The following NRG3 variants were observed in gnomAD, a reference collection of about 807,000 sequenced individuals.
NRG3 encodes the protein neuregulin 3, also known as pro-neuregulin-3, membrane-bound isoform.
Under a neutral mutation model 66.9 loss-of-function variants are expected in NRG3, and 31 were observed. The ratio of observed to expected loss-of-function variants is 0.46; its 90% confidence interval spans 0.35 to 0.63. NRG3 has a LOEUF of 0.63. Ranked by LOEUF, NRG3 falls within the 20% of genes least tolerant of loss-of-function variation. The pLI, the probability that NRG3 is intolerant of heterozygous loss-of-function variation, is 0.00. For missense variants in NRG3, 910 were observed against 878.9 expected, an observed-to-expected ratio of 1.04 and a Z score of -0.45; for synonymous variants, 393 against 359.4, an observed-to-expected ratio of 1.09 and a Z score of -1.06.
At chr10:82,486,349 A>C (rs936806454) in intron 2 of NRG3, among the ~76,000 whole-genome samples, 2 of 152,190 alleles carry the variant, frequency 1.3e-5, no homozygotes. Context: ...AGTAGTCAAG[A>C]GGTAGAAAAA....
intron 1 of NRG3, among the ~76,000 whole-genome samples, chr10:81,929,592 A>G (rs1214935035): frequency 6.6e-6 from 1 of 152,116 alleles, no homozygotes; most frequent in Non-Finnish European, 1.5e-5. Flanking sequence ...CTCTTTCCCA[A>G]GTTTAGGAAG....
intron 1 of NRG3, among the ~76,000 whole-genome samples, chr10:82,178,191 GA>G (rs2073172459): frequency 6.6e-6 from 1 of 151,978 alleles, no homozygotes. Context: ...ATAAAAATGA[GA>G]AAAAGGGATG....
At chr10:82,123,562 A>G (rs2068231520) in intron 1 of NRG3, among the ~76,000 whole-genome samples, 1 of 152,158 alleles carries the variant, frequency 6.6e-6, no homozygotes, top group Non-Finnish European at 1.5e-5. Flanking sequence ...ATCCTCCTCC[A>G]ACACCTCCTT....
At chr10:82,220,470 A>G (rs915462025) in intron 1 of NRG3, among the ~76,000 whole-genome samples, 10 of 152,062 alleles carry the variant, frequency 6.6e-5, no homozygotes, top group Admixed American at 4.6e-4. Context: ...TGAAATTGAA[A>G]TCAAGTGTAT....
intron 1 of NRG3, chr10:81,877,918 C>T: frequency 6.5e-7 from 1 of 1,536,996 alleles, no homozygotes; most frequent in Non-Finnish European, 8.7e-7. Flanking sequence ...ACCCTGAAGA[C>T]CCCAGATTTT....
intron 3 of NRG3, among the ~76,000 whole-genome samples, chr10:82,782,537 A>G (rs1262860495): frequency 6.6e-6 from 1 of 152,148 alleles, no homozygotes; most frequent in Non-Finnish European, 1.5e-5. Flanking sequence ...AACAACTGAT[A>G]CTGAGTAGCG....
rs140594625 is a variant in NRG3, at chr10:82,752,942, A to G, written c.1027+14292A>G. On this transcript the variant is annotated intron_variant, in intron 3 of 8. Transcript: ENST00000372141. ...TCCAAAGGGACTCAGAAAACGATGT[A>G]ACAACCCATCTGTGAATTTGCATTT... Among the ~76,000 whole-genome samples the G allele has an allele frequency of 4.6e-5, 7 of 152,326 alleles. 1 individual carries two copies. The Middle Eastern group carries it at 0.01, about 222-fold the overall frequency.
chr10:82,642,742 A>G (rs1304578441), intron 2 of NRG3, among the ~76,000 whole-genome samples: 1 of 152,080 alleles, frequency 6.6e-6, no homozygotes, highest in Non-Finnish European at 1.5e-5. Context: ...TCTTATTTAT[A>G]TTTTAATTTA....
At chr10:82,450,550 T>G (rs2090971336) in intron 2 of NRG3, among the ~76,000 whole-genome samples, 2 of 152,174 alleles carry the variant, frequency 1.3e-5, no homozygotes, top group Non-Finnish European at 2.9e-5. Flanking sequence ...CACCCTCTTC[T>G]GGAGCAGATT....
intron 2 of NRG3, among the ~76,000 whole-genome samples, chr10:82,610,556 G>A (rs1163286977): frequency 6.6e-6 from 1 of 152,134 alleles, no homozygotes; most frequent in East Asian, 1.9e-4. Context: ...TTGTCCAAGT[G>A]TCAAGCCCAC....
At chr10:82,503,974 G>GA (rs34530783) in intron 2 of NRG3, among the ~76,000 whole-genome samples, 3 of 151,762 alleles carry the variant, frequency 2.0e-5, no homozygotes, top group Non-Finnish European at 2.9e-5. Flanking sequence ...CTGTTAAATG[G>GA]AAAAAAAATG....
At chr10:82,815,494 C>A (rs543109973) in intron 3 of NRG3, among the ~76,000 whole-genome samples, 32 of 152,278 alleles carry the variant, frequency 2.1e-4, no homozygotes, top group African/African-American at 7.5e-4. Flanking sequence ...CAAAAATTTT[C>A]TCTTCCTGAT....
At chr10:82,004,386 G>A (rs961451506) in intron 1 of NRG3, among the ~76,000 whole-genome samples, 2 of 152,120 alleles carry the variant, frequency 1.3e-5, no homozygotes, top group Admixed American at 6.6e-5. Flanking sequence ...TGACACAAGA[G>A]AGTGGGAAAA....
rs779428174 is a variant in NRG3 at position 81,876,149 on chromosome 10, C to T, written c.809C>T (p.Thr270Ile). The change falls in exon 1 of 9, where the codon ACC (threonine) becomes ATC (isoleucine). Residue 270 changes from threonine to isoleucine, a missense_variant. Physicochemically the swap from Thr to Ile is moderately conservative, Grantham distance 89. Coordinates refer to ENST00000372141, the MANE Select transcript of NRG3 (RefSeq NM_001010848.4). ...SATTTTPETS[T>I]SPKFHTTTYS... ...ACCACCACCACACCAGAAACTAGCACCAGCCCCAAATTTCGTAAGTAAACA... is the reference window on the plus strand; with the variant it reads ...ACCACCACCACACCAGAAACTAGCATCAGCCCCAAATTTCGTAAGTAAACA... The T allele has an allele frequency of 6.3e-7, 1 of 1,590,784 alleles. No individual in the cohort carries two copies. The highest frequency in any genetic ancestry group is 1.1e-5 in the South Asian group (1 of 88,358).
chr10:82,692,272 CAATT>C (rs752920078), intron 2 of NRG3, among the ~76,000 whole-genome samples: 122 of 147,854 alleles, frequency 8.3e-4, no homozygotes, highest in Non-Finnish European at 1.5e-3. Context: ...AAAAAAGTAA[CAATT>C]AATTCCATTT....
At chr10:82,118,528 G>A (rs770681844) in intron 1 of NRG3, among the ~76,000 whole-genome samples, 4 of 151,974 alleles carry the variant, frequency 2.6e-5, no homozygotes, top group South Asian at 2.1e-4. Context: ...CTATTTAAAC[G>A]TTTATTTTAG....
intron 1 of NRG3, among the ~76,000 whole-genome samples, chr10:82,132,525 G>GATAT (rs1317557723): frequency 1.8e-5 from 1 of 54,766 alleles, no homozygotes; most frequent in Non-Finnish European, 3.8e-5. Context: ...TGATATATAT[G>GATAT]ATATATATAT....
chr10:82,264,270 C>T (rs1255492775), intron 1 of NRG3, among the ~76,000 whole-genome samples: 2 of 152,108 alleles, frequency 1.3e-5, no homozygotes, highest in African/African-American at 2.4e-5. Context: ...AGGAAATTTA[C>T]AATCATGGCC....
chr10:82,917,936 G>A lies in NRG3; in HGVS notation c.1055-33533G>A, dbSNP rs984285210. On this transcript the variant is annotated intron_variant, in intron 4 of 8. Transcript: ENST00000372141. The stretch of plus-strand genomic sequence containing the variant: ...TATTTTTATATATACACACACCCCT[G>A]TGTGTATGTGGGATTGTGTGTGTGT... 1.3e-4 allele frequency among the ~76,000 whole-genome samples: 19 copies of A among 147,246 alleles called. No homozygotes were observed. In the East Asian group the frequency reaches 1.8e-3, roughly 14 times the overall value.
Sources: gnomAD v4.1 joint callset for allele counts (sites outside exome capture counted in the v4.1 genomes callset) on GRCh38, gnomAD v4.1.1 for gene constraint, MANE v1.5 for transcripts, NCBI Gene and HGNC (gene_info 2026-07-23, HGNC 2026-07-21) for gene names.